Variants in SLC25A48 observed in about 807,000 individuals in gnomAD.
SLC25A48 encodes the protein solute carrier family 25 member 48.
A neutral mutation model predicts 32.2 loss-of-function variants in SLC25A48; 29 were observed. The observed-to-expected ratio is 0.90, with a 90% confidence interval of 0.67 to 1.23. SLC25A48 has a LOEUF of 1.23. Ranked by LOEUF, SLC25A48 falls within the 50% of genes most tolerant of loss-of-function variation. SLC25A48 has a pLI of 0.00. For synonymous variants in SLC25A48, 164 were observed against 172.3 expected, an observed-to-expected ratio of 0.95 and a Z score of 0.38; for missense variants, 399 against 422.7, an observed-to-expected ratio of 0.94 and a Z score of 0.49.
rs1451540130 is a variant in SLC25A48, at chr5:135,788,427, C to T, written c.-520-24096C>T. Among the ~76,000 whole-genome samples, 4 of 123,924 alleles carry T rather than the reference C, an allele frequency of 3.2e-5. No individual in the cohort carries two copies. The South Asian group carries it at 8.3e-4, about 26-fold the overall frequency. 81.3% of individuals were successfully genotyped at this position (123,924 alleles called of 152,430 possible). On this transcript the variant is annotated intron_variant, in intron 3 of 10. Coordinates refer to the SLC25A48 transcript ENST00000646290. The stretch of plus-strand genomic sequence containing the variant: ...GGTGATATTACTCCCCATGTGGCGG[C>T]GGGTGTACCCCCTCCCGCCATATGG...
At position 135,607,501 on chromosome 5, in the gene SLC25A48, T is replaced by A. The variant is rs190848364; in HGVS notation, c.-848-21736T>A. The stretch of plus-strand genomic sequence containing the variant: ...ATAACAGCGAGGAAGACCGTCCTGA[T>A]TCTTACCTCTAGGAGGAGAGATCCT... On this transcript the variant is annotated intron_variant, in intron 1 of 10. Coordinates refer to the SLC25A48 transcript ENST00000646290. Among the ~76,000 whole-genome samples the A allele has an allele frequency of 2.0e-5, 3 of 152,326 alleles. 1 individual carries two copies. The highest frequency in any genetic ancestry group is 2.0e-4 in the Admixed American group (3 of 15,302).
intron 3 of SLC25A48, among the ~76,000 whole-genome samples, chr5:135,716,899 A>G (rs1213791010): frequency 1.3e-5 from 2 of 152,204 alleles, no homozygotes; most frequent in African/African-American, 2.4e-5. Flanking sequence ...GAGCCTATTT[A>G]GAAATGTTTC....
At chr5:135,799,756 C>G (rs1757275974) in intron 3 of SLC25A48, among the ~76,000 whole-genome samples, 1 of 151,720 alleles carries the variant, frequency 6.6e-6, no homozygotes, top group Admixed American at 6.6e-5. Flanking sequence ...CTCAATGTCG[C>G]AGGGAGTGTT....
intron 3 of SLC25A48, among the ~76,000 whole-genome samples, chr5:135,712,729 C>T (rs1754696260): frequency 6.6e-6 from 1 of 152,238 alleles, no homozygotes; most frequent in Admixed American, 6.5e-5. Flanking sequence ...AAGCTTTGTG[C>T]TCAGACCGCA....
intron 3 of SLC25A48, among the ~76,000 whole-genome samples, chr5:135,738,513 C>A (rs1397002300): frequency 6.6e-6 from 1 of 150,922 alleles, no homozygotes; most frequent in Non-Finnish European, 1.5e-5. Context: ...AAAGCATCTC[C>A]TTTACTCCTT....
At chr5:135,685,431 CTTTT>C (rs5871571) in intron 3 of SLC25A48, among the ~76,000 whole-genome samples, 1 of 129,752 alleles carries the variant, frequency 7.7e-6, no homozygotes, top group African/African-American at 2.9e-5. Flanking sequence ...GATGTAAGGA[CTTTT>C]TTTTTTTTTT....
At chr5:135,666,477 A>G (rs1202408177) in intron 3 of SLC25A48, among the ~76,000 whole-genome samples, 4 of 152,000 alleles carry the variant, frequency 2.6e-5, no homozygotes, top group Non-Finnish European at 5.9e-5. Context: ...AATTCTAATC[A>G]CTCCTGGCCT....
intron 4 of SLC25A48, chr5:135,826,816 T>G (rs1003108814): frequency 1.3e-5 from 2 of 152,228 alleles, no homozygotes; most frequent in African/African-American, 4.8e-5. Context: ...TCGGGCCAAG[T>G]ACTTAAGCAC....
At chr5:135,687,872 T>C (rs916712090) in intron 3 of SLC25A48, among the ~76,000 whole-genome samples, 3 of 152,198 alleles carry the variant, frequency 2.0e-5, no homozygotes, top group Non-Finnish European at 2.9e-5. Context: ...TTTTCTGGGG[T>C]CTTTTTTCCC....
intron 4 of SLC25A48, among the ~76,000 whole-genome samples, chr5:135,817,234 C>T (rs1037188666): frequency 3.5e-4 from 54 of 152,214 alleles, no homozygotes; most frequent in African/African-American, 1.3e-3. Flanking sequence ...GCCAGAGATG[C>T]TGCTAAACAT....
chr5:135,678,780 A>AT (rs575756989), intron 3 of SLC25A48, among the ~76,000 whole-genome samples: 3 of 152,064 alleles, frequency 2.0e-5, no homozygotes, highest in Admixed American at 2.0e-4. Context: ...CTTTGGTATG[A>AT]TTTTTTTCAG....
chr5:135,599,065 A>G (rs2126882247), intron 1 of SLC25A48, among the ~76,000 whole-genome samples: 1 of 152,180 alleles, frequency 6.6e-6, no homozygotes, highest in African/African-American at 2.4e-5. Context: ...TCACTATTTT[A>G]AGGCTTCTCT....
At chr5:135,810,996 C>T (rs953575727) in intron 3 of SLC25A48, among the ~76,000 whole-genome samples, 3 of 152,178 alleles carry the variant, frequency 2.0e-5, no homozygotes, top group East Asian at 1.9e-4. Context: ...CCACACAGGA[C>T]GATGATCGGC....
intron 3 of SLC25A48, among the ~76,000 whole-genome samples, chr5:135,787,760 G>A (rs892869525): frequency 3.3e-5 from 5 of 151,368 alleles, no homozygotes; most frequent in African/African-American, 9.7e-5. Context: ...AGGTGTACAC[G>A]CTGTGATATT....
At chr5:135,871,930 A>G in intron 5 of SLC25A48, 1 of 1,459,998 alleles carries the variant, frequency 6.8e-7, no homozygotes, top group Non-Finnish European at 9.1e-7. Flanking sequence ...GGCAGTTCCC[A>G]TTTGACTTTC....
chr5:135,725,208 T>A (rs1755061833), intron 3 of SLC25A48, among the ~76,000 whole-genome samples: 2 of 152,218 alleles, frequency 1.3e-5, no homozygotes, highest in Admixed American at 6.5e-5. Context: ...ACTGAGGGAA[T>A]AAGACAGACA....
intron 3 of SLC25A48, among the ~76,000 whole-genome samples, chr5:135,802,751 T>G (rs1432352998): frequency 6.6e-6 from 1 of 151,422 alleles, no homozygotes; most frequent in Non-Finnish European, 1.5e-5. Flanking sequence ...AGGGAGATAT[T>G]AATCCTAGTA....
At chr5:135,768,941 T>G (rs1019921396) in intron 3 of SLC25A48, among the ~76,000 whole-genome samples, 1 of 151,690 alleles carries the variant, frequency 6.6e-6, no homozygotes, top group Non-Finnish European at 1.5e-5. Context: ...AGATACCACT[T>G]TGATATTGTT....
chr5:135,645,080 C>T (rs1048892942), intron 3 of SLC25A48, among the ~76,000 whole-genome samples: 12 of 152,182 alleles, frequency 7.9e-5, no homozygotes, highest in African/African-American at 2.2e-4. Flanking sequence ...CTCAGGTGCA[C>T]GCCAGTTTGG....
Sources: gnomAD v4.1 joint callset for allele counts (sites outside exome capture counted in the v4.1 genomes callset) on GRCh38, gnomAD v4.1.1 for gene constraint, MANE v1.5 for transcripts, NCBI Gene and HGNC (gene_info 2026-07-23, HGNC 2026-07-21) for gene names.